Variants in ZC3H15 observed in about 807,000 individuals in gnomAD.
ZC3H15 encodes zinc finger CCCH domain-containing protein 15.
A neutral mutation model predicts 51.2 loss-of-function variants in ZC3H15; 15 were observed. That is an observed-to-expected ratio of 0.29 (90% CI 0.20 to 0.45). ZC3H15 has a LOEUF of 0.45. ZC3H15 is among the 20% of genes least tolerant of loss of function. The probability of loss-of-function intolerance (pLI) is 1.00; values close to 1 mark genes in which losing one functional copy is unlikely to be tolerated. For missense variants in ZC3H15, 381 were observed against 494.7 expected, an observed-to-expected ratio of 0.77 and a Z score of 2.18; for synonymous variants, 144 against 162.8, an observed-to-expected ratio of 0.88 and a Z score of 0.88.
intron 2 of ZC3H15, among the ~76,000 whole-genome samples, chr2:186,498,708 G>C (rs768204576): frequency 6.6e-6 from 1 of 151,964 alleles, no homozygotes; most frequent in Non-Finnish European, 1.5e-5. Flanking sequence ...CTGCTTCTTT[G>C]ATGTTTCTAG....
Position 186,508,806 on chromosome 2 carries a change from C to T in ZC3H15, c.*73C>T, listed in dbSNP as rs1685508746. 1.3e-6 allele frequency: 2 copies of T among 1,488,776 alleles called. No homozygotes were observed. The highest frequency in any genetic ancestry group is 2.8e-5 in the African/African-American group (2 of 71,530). 92.2% of individuals were successfully genotyped at this position (1,488,776 alleles called of 1,614,324 possible). ...AATTGACTACATTAATTTCTTTCCACCTAGAATCAACAGGATGTTTATTTC... is the reference window on the plus strand; with the variant it reads ...AATTGACTACATTAATTTCTTTCCATCTAGAATCAACAGGATGTTTATTTC... On this transcript the variant is annotated 3_prime_UTR_variant, in exon 10 of 10. Transcript: ENST00000337859.
chr2:186,494,967 A>T (rs1281036162), intron 1 of ZC3H15, among the ~76,000 whole-genome samples: 2 of 151,942 alleles, frequency 1.3e-5, no homozygotes, highest in Non-Finnish European at 2.9e-5. Flanking sequence ...AAAGTATAAT[A>T]AAAAATATAT....
chr2:186,504,806 T>G (rs953028081), intron 6 of ZC3H15, among the ~76,000 whole-genome samples: 3 of 152,212 alleles, frequency 2.0e-5, no homozygotes, highest in African/African-American at 7.2e-5. Context: ...TTTGCCTTAT[T>G]ATTTAGTGTC....
chr2:186,504,148 G>C lies in ZC3H15; in HGVS notation c.651G>C (p.Leu217Phe). 6.2e-7 allele frequency: 1 copy of C among 1,608,852 alleles called. No individual in the cohort carries two copies. The highest frequency in any genetic ancestry group is 8.5e-7 in the Non-Finnish European group (1 of 1,177,416). ...YRHALPPGFV[L>F]KKDKKKEEKE... is the part of the protein sequence containing the mutation. ...ATGCACTTCCTCCTGGATTTGTGTT[G>C]AAAAAAGATAAAAAGAAAGAAGAGA... The change falls in exon 6 of 10, where the codon TTG (leucine) becomes TTC (phenylalanine). Residue 217 changes from leucine to phenylalanine, a missense_variant. Leu to Phe is a conservative substitution (Grantham distance 22). Coordinates refer to ENST00000337859, the MANE Select transcript of ZC3H15 (RefSeq NM_018471.3).
rs533048701 is a variant in ZC3H15 at position 186,486,317 on chromosome 2, G to A, written c.-66G>A. The A allele has an allele frequency of 4.3e-4, 597 of 1,403,820 alleles. No individual in the cohort carries two copies. The highest frequency in any genetic ancestry group is 5.1e-4 in the Non-Finnish European group (545 of 1,062,430). 87.0% of individuals were successfully genotyped at this position (1,403,820 alleles called of 1,614,324 possible). ...CCCCGGTCTTCCTCCTCGTCCTGCC[G>A]CAGGGCCAGAACCCCTGACGGTATT... On this transcript the variant is annotated 5_prime_UTR_variant, in exon 1 of 10. Coordinates refer to ENST00000337859, the MANE Select transcript of ZC3H15 (RefSeq NM_018471.3).
intron 1 of ZC3H15, 142 bp from the exon 2 acceptor site, chr2:186,495,091 C>G: frequency 2.1e-6 from 1 of 484,114 alleles, no homozygotes; most frequent in Non-Finnish European, 3.6e-6. Context: ...CATATATTGC[C>G]TTGACTTGAT....
At chr2:186,488,825 A>ATG (rs72537863) in intron 1 of ZC3H15, 1 of 151,188 alleles carries the variant, frequency 6.6e-6, no homozygotes, top group Non-Finnish European at 1.5e-5. Flanking sequence ...TGGTGTGTCT[A>ATG]TTTCTCTGGG....
intron 2 of ZC3H15, among the ~76,000 whole-genome samples, chr2:186,497,935 C>T (rs1685309323): frequency 2.0e-5 from 3 of 152,122 alleles, no homozygotes; most frequent in Admixed American, 2.0e-4. Flanking sequence ...CAGGGGGTAT[C>T]CTGGTCTAGG....
At chr2:186,497,429 A>T (rs1685300501) in intron 2 of ZC3H15, among the ~76,000 whole-genome samples, 1 of 152,166 alleles carries the variant, frequency 6.6e-6, no homozygotes, top group African/African-American at 2.4e-5. Context: ...CACGCCTGTA[A>T]TCCCAGCACT....
At position 186,506,818 on chromosome 2, in the gene ZC3H15, T is replaced by C; in HGVS notation, c.1072T>C (p.Tyr358His). 1 of 1,612,028 alleles carries C rather than the reference T, an allele frequency of 6.2e-7. No homozygotes were observed. ...TVASLERFST[Y>H]TSDKDENKLS... ...AGCCAGTCTTGAAAGATTCAGCACATATACTTCAGATAAAGATGGTAAGTA... is the reference window on the plus strand; with the variant it reads ...AGCCAGTCTTGAAAGATTCAGCACACATACTTCAGATAAAGATGGTAAGTA... The change falls in exon 9 of 10, where the codon TAT becomes CAT. Residue 358 changes from tyrosine (Y) to histidine (H), a missense_variant. Tyr to His is a moderately conservative substitution (Grantham distance 83, BLOSUM62 2). Transcript: ENST00000337859.
At chr2:186,501,501 TGAA>T (rs1184551711) in intron 4 of ZC3H15, 76 bp downstream of exon 4, 37 of 1,241,010 alleles carry the variant, frequency 3.0e-5, no homozygotes, top group Middle Eastern at 2.9e-4. Context: ...TTTATTAAAT[TGAA>T]GAACATTTCA....
rs755860702 is a variant in ZC3H15, at chr2:186,486,352, G to C, written c.-31G>C. The C allele has an allele frequency of 5.9e-6, 9 of 1,522,674 alleles. No individual in the cohort carries two copies. In the Admixed American group the frequency reaches 6.2e-5, roughly 10 times the overall value. The allele number at this position is 1,522,674 out of a possible 1,614,324, so 94.3% of individuals were successfully genotyped here. On this transcript the variant is annotated 5_prime_UTR_variant, in exon 1 of 10. Coordinates refer to ENST00000337859, the MANE Select transcript of ZC3H15 (RefSeq NM_018471.3). ...AACCCCTGACGGTATTCAGCTGCGC[G>C]TAAGTCTGGCCGGTGCCATCTGTCT...
rs148923747 is a variant in ZC3H15 at position 186,491,190 on chromosome 2, G to A, written c.76-4043G>A. On this transcript the variant is annotated intron_variant, in intron 1 of 9. Coordinates refer to ENST00000337859, the MANE Select transcript of ZC3H15 (RefSeq NM_018471.3). ...CAATAACTTAATGAGGTTTCTCTGG[G>A]AAGTAGTTTATTAAAAACTGTAGAA... Among the ~76,000 whole-genome samples the A allele has an allele frequency of 1.6e-4, 25 of 152,290 alleles. No homozygotes were observed. In the East Asian group the frequency reaches 4.6e-3, roughly 28 times the overall value.
intron 2 of ZC3H15, among the ~76,000 whole-genome samples, chr2:186,496,554 A>C (rs1002125841): frequency 2.6e-5 from 4 of 152,202 alleles, no homozygotes; most frequent in African/African-American, 9.7e-5. Flanking sequence ...TCATTTATCC[A>C]ACTGAAATAC....
chr2:186,508,522 G>C, intron 9 of ZC3H15, 21 bp from the exon 10 acceptor site: 1 of 1,610,846 alleles, frequency 6.2e-7, no homozygotes, highest in Non-Finnish European at 8.5e-7. Context: ...ACGCCTTACT[G>C]ATTCCAGTTT....
intron 1 of ZC3H15, among the ~76,000 whole-genome samples, chr2:186,493,252 G>A (rs571997767): frequency 1.3e-5 from 2 of 152,230 alleles, no homozygotes; most frequent in African/African-American, 2.4e-5. Flanking sequence ...GACTACCTCT[G>A]CAAGAAACAG....
chr2:186,506,025 A>G (rs1185784066), intron 8 of ZC3H15, 184 bp downstream of exon 8: 1 of 699,918 alleles, frequency 1.4e-6, no homozygotes, highest in East Asian at 2.7e-5. Context: ...GATTATCTCT[A>G]CATCATAGTT....
At chr2:186,486,564 T>C (rs919311247) in intron 1 of ZC3H15, 107 bp downstream of exon 1, 61 of 1,273,098 alleles carry the variant, frequency 4.8e-5, no homozygotes, top group Middle Eastern at 2.0e-4. Context: ...CACGTGTTCC[T>C]CCCTTAGGCC....
chr2:186,491,733 T>C (rs1296447541), intron 1 of ZC3H15, among the ~76,000 whole-genome samples: 1 of 152,158 alleles, frequency 6.6e-6, no homozygotes, highest in Non-Finnish European at 1.5e-5. Flanking sequence ...AATTTATCAT[T>C]TCTGAGTTTC....
Sources: allele counts gnomAD v4.1 joint callset (sites outside exome capture counted in the v4.1 genomes callset), GRCh38; gene constraint gnomAD v4.1.1; transcripts MANE v1.5; gene names NCBI Gene and HGNC (gene_info 2026-07-23, HGNC 2026-07-21).